The following THOC1 variants were observed in gnomAD, a reference collection of about 807,000 sequenced individuals.
The protein encoded by THOC1 is THO complex 1.
In THOC1, 29 loss-of-function variants were observed where a neutral mutation model predicts 97.3. The observed-to-expected ratio is 0.30, with a 90% CI of 0.22 to 0.41. The LOEUF (loss-of-function observed/expected upper bound fraction) is 0.41, where lower values mean the gene tolerates loss of function less well. Ranked by LOEUF, THOC1 falls within the 10% of genes least tolerant of loss-of-function variation. The pLI is 1.00. For synonymous variants in THOC1, 255 were observed against 257.0 expected, an observed-to-expected ratio of 0.99 and a Z score of 0.07; for missense variants, 529 against 761.9, an observed-to-expected ratio of 0.69 and a Z score of 3.60.
chr18:233,091 A>T (rs1911548072), intron 11 of THOC1, among the ~76,000 whole-genome samples: 4 of 152,150 alleles, frequency 2.6e-5, no homozygotes, highest in Admixed American at 2.6e-4. Flanking sequence ...TTTCCCTCAC[A>T]ATTTGTGCTT....
Position 254,242 on chromosome 18 carries a change from G to A in THOC1, c.603+31C>T. The A allele has an allele frequency of 6.8e-7, 1 of 1,470,996 alleles. No homozygotes were observed. The highest frequency in any genetic ancestry group is 9.3e-7 in the Non-Finnish European group (1 of 1,070,368). The allele number at this position is 1,470,996 out of a possible 1,614,324, so 91.1% of individuals were successfully genotyped here. On this transcript the variant is annotated intron_variant, in intron 8 of 20. Coordinates refer to ENST00000261600, the MANE Select transcript of THOC1 (RefSeq NM_005131.3). The surrounding 1 kb of genome is among the most constrained non-coding windows in gnomAD (Gnocchi z 4.1). The stretch of plus-strand genomic sequence containing the variant: ...ATCTTAATAACAAACTTGCAAATAT[G>A]TTATCTGAGAAGATTTCAAATCAGC...
intron 16 of THOC1, 46 bp from the exon 17 acceptor site, chr18:223,551 C>A: frequency 1.4e-6 from 2 of 1,423,128 alleles, no homozygotes; most frequent in South Asian, 1.3e-5. Context: ...TGGACACCAT[C>A]CTCATGTGCC....
intron 11 of THOC1, among the ~76,000 whole-genome samples, chr18:232,992 T>C (rs961087477): frequency 7.9e-5 from 12 of 152,210 alleles, no homozygotes; most frequent in Non-Finnish European, 1.0e-4. Context: ...TCCCAGTCTG[T>C]GCCTTGTCTT....
rs761834319 is a variant in THOC1, at chr18:267,954, T to C, written c.54+12A>G. The C allele has an allele frequency of 2.4e-5, 39 of 1,610,982 alleles. No individual in the cohort carries two copies. Among genetic ancestry groups the C allele is most frequent in the Admixed American group, 1.0e-4 (6 of 59,808 alleles). On this transcript the variant is annotated intron_variant, in intron 1 of 20. Transcript: ENST00000261600. Reference sequence around the variant, plus strand: ...GCCGGGTCAGGCCTGCACCCTCCCCTCTACAGCTCACCGTAAACCGCGTCC... The same window carrying C: ...GCCGGGTCAGGCCTGCACCCTCCCCCCTACAGCTCACCGTAAACCGCGTCC...
At chr18:260,633 T>A (rs950730778) in intron 4 of THOC1, 1 of 158,852 alleles carries the variant, frequency 6.3e-6, no homozygotes, top group African/African-American at 2.4e-5. Flanking sequence ...TTGCATTTTA[T>A]AGAATGGGAA....
chr18:266,640 C>A (rs779167852), intron 1 of THOC1, among the ~76,000 whole-genome samples: 1 of 150,772 alleles, frequency 6.6e-6, no homozygotes, highest in Non-Finnish European at 1.5e-5. Context: ...CGGGTTCAAG[C>A]GATTCTCCTG....
At chr18:266,539 ATTTTT>A (rs10644972) in intron 1 of THOC1, among the ~76,000 whole-genome samples, 2 of 136,136 alleles carry the variant, frequency 1.5e-5, no homozygotes, top group Non-Finnish European at 3.1e-5. Flanking sequence ...GGCTAGTATG[ATTTTT>A]TTTTTTTTTT....
intron 11 of THOC1, among the ~76,000 whole-genome samples, chr18:233,940 G>A (rs1418244915): frequency 1.3e-5 from 2 of 152,186 alleles, no homozygotes; most frequent in Non-Finnish European, 2.9e-5. Context: ...TTTGGATACT[G>A]ATTCAAAATA....
intron 17 of THOC1, among the ~76,000 whole-genome samples, 183 bp downstream of exon 17, chr18:223,257 T>C (rs922921010): frequency 4.6e-5 from 7 of 152,202 alleles, no homozygotes. Flanking sequence ...TTTTGTGATT[T>C]CTAAAATTAT....
intron 7 of THOC1, among the ~76,000 whole-genome samples, chr18:258,294 G>A (rs680201): frequency 0.17 from 25,361 of 151,850 alleles, 2,397 homozygotes; most frequent in Non-Finnish European, 0.23. Flanking sequence ...CAGGAGTTTG[G>A]AAGAAAGAAA....
intron 11 of THOC1, among the ~76,000 whole-genome samples, chr18:235,784 G>T (rs1911659111): frequency 6.6e-6 from 1 of 152,090 alleles, no homozygotes; most frequent in South Asian, 2.1e-4. Flanking sequence ...CAAATTTTGT[G>T]AATGTTCCAC....
intron 8 of THOC1, among the ~76,000 whole-genome samples, chr18:253,305 G>A (rs147821753): frequency 2.1e-3 from 316 of 152,322 alleles, no homozygotes; most frequent in Admixed American, 3.6e-3. Context: ...CATAATTGAT[G>A]CAGACGCTGC....
chr18:259,666 T>G lies in THOC1; in HGVS notation c.424+16A>C, dbSNP rs774597200. On this transcript the variant is annotated intron_variant, in intron 6 of 20. Transcript: ENST00000261600. The stretch of plus-strand genomic sequence containing the variant: ...TTACACTTAAAAAGCAATCATTTTA[T>G]CACTCAATTACTTACCATTGCACAT... 1 of 1,529,222 alleles carries G rather than the reference T, an allele frequency of 6.5e-7. No homozygotes were observed. Among genetic ancestry groups the G allele is most frequent in the Non-Finnish European group, 8.8e-7 (1 of 1,133,892 alleles). The allele number at this position is 1,529,222 out of a possible 1,614,324, so 94.7% of individuals were successfully genotyped here.
intron 7 of THOC1, among the ~76,000 whole-genome samples, chr18:255,821 T>C (rs921165716): frequency 6.6e-6 from 1 of 152,214 alleles, no homozygotes; most frequent in Non-Finnish European, 1.5e-5. Flanking sequence ...AGCTGGTGAC[T>C]TTAAGTTGAA....
intron 10 of THOC1, among the ~76,000 whole-genome samples, chr18:246,916 C>CAAAAAAAA (rs36101469): frequency 1.0e-5 from 1 of 98,230 alleles, no homozygotes; most frequent in Non-Finnish European, 2.1e-5. Context: ...GGCTCCGTCT[C>CAAAAAAAA]AAAAAAAAAA....
intron 18 of THOC1, among the ~76,000 whole-genome samples, chr18:217,580 G>T (rs1185967294): frequency 6.6e-6 from 1 of 152,162 alleles, no homozygotes; most frequent in Non-Finnish European, 1.5e-5. Flanking sequence ...CTGAGGCACA[G>T]TAAGGCAGGC....
At chr18:219,439 T>C (rs1352446973) in intron 17 of THOC1, among the ~76,000 whole-genome samples, 1 of 118,664 alleles carries the variant, frequency 8.4e-6, no homozygotes, top group Non-Finnish European at 1.7e-5. Flanking sequence ...ATTGTGGGCA[T>C]GTGTTCCCTG....
At chr18:229,974 A>G (rs1911429116) in intron 11 of THOC1, among the ~76,000 whole-genome samples, 2 of 152,164 alleles carry the variant, frequency 1.3e-5, no homozygotes, top group African/African-American at 4.8e-5. Flanking sequence ...TACCATTTAT[A>G]AACTGGTAAC....
At position 267,976 on chromosome 18, in the gene THOC1, G is replaced by A. The variant is rs369145062; in HGVS notation, c.44C>T (p.Thr15Met). ...CCCTCTACAGCTCACCGTAAACCGC[G>A]TCCGCGCTTCGGGCAAACTGAAGAG... is the stretch of plus-strand genomic sequence containing the variant. ...PPLFSLPEAR[T>M]RFTKSTREAL... is the part of the protein sequence containing the mutation. The change falls in exon 1 of 21, where the codon ACG (threonine) becomes ATG (methionine). Residue 15 changes from threonine (T) to methionine (M), a missense_variant. By Grantham distance (81) the Thr-to-Met change is moderately conservative. Coordinates refer to ENST00000261600, the MANE Select transcript of THOC1 (RefSeq NM_005131.3). The A allele has an allele frequency of 6.8e-6, 11 of 1,611,702 alleles. No individual in the cohort carries two copies. In the African/African-American group the frequency reaches 9.3e-5, roughly 14 times the overall value.
Sources: gnomAD v4.1 joint callset for allele counts (sites outside exome capture counted in the v4.1 genomes callset) on GRCh38, gnomAD v4.1.1 for gene constraint, Gnocchi (gnomAD v3.1) non-coding constraint, MANE v1.5 for transcripts, NCBI Gene and HGNC (gene_info 2026-07-23, HGNC 2026-07-21) for gene names.